The following HK1 variants were observed in gnomAD, a reference collection of about 807,000 sequenced individuals.
HK1 encodes the protein hexokinase 1.
Under a neutral mutation model 91.6 loss-of-function variants are expected in HK1, and 28 were observed. The observed-to-expected ratio is 0.31, with a 90% CI of 0.23 to 0.42. HK1 has a LOEUF of 0.42. Among genes scored for constraint, HK1 ranks in the 10% least tolerant of loss-of-function variants. HK1 has a pLI of 1.00. For missense variants in HK1, 770 were observed against 1,219.8 expected (o/e 0.63, Z 5.49); for synonymous variants, 430 against 468.1 (o/e 0.92, Z 1.05).
At chr10:69,399,872 T>C (rs1455822711) in intron 17 of HK1, among the ~76,000 whole-genome samples, 1 of 152,158 alleles carries the variant, frequency 6.6e-6, no homozygotes, top group Non-Finnish European at 1.5e-5. Flanking sequence ...ACCCTACTTA[T>C]AAGCAACCTC....
At position 69,326,921 on chromosome 10, in the gene HK1, T is replaced by A. The variant is rs969668012; in HGVS notation, c.63+7911T>A. Among the ~76,000 whole-genome samples the A allele has an allele frequency of 1.3e-5, 2 of 152,276 alleles. 1 individual carries two copies. On this transcript the variant is annotated intron_variant, in intron 1 of 17. Coordinates refer to ENST00000359426, the MANE Select transcript of HK1 (RefSeq NM_000188.3). ...TATATGGTATTGCTTTATAGATATATGGTTTTGATCTTTTGTAAATGGTGC... is the reference window on the plus strand; with the variant it reads ...TATATGGTATTGCTTTATAGATATAAGGTTTTGATCTTTTGTAAATGGTGC...
intron 4 of HK1, among the ~76,000 whole-genome samples, 166 bp downstream of exon 4, chr10:69,365,068 T>G (rs927044054): frequency 6.6e-6 from 1 of 152,174 alleles, no homozygotes; most frequent in African/African-American, 2.4e-5. Flanking sequence ...ATATAGTGTT[T>G]ACTTTTTCAC....
intron 2 of HK1, among the ~76,000 whole-genome samples, chr10:69,349,886 AAG>A (rs1848760251): frequency 6.6e-6 from 1 of 152,206 alleles, no homozygotes; most frequent in African/African-American, 2.4e-5. Context: ...TTAAGAAAAA[AAG>A]AGAATTCTAG....
At chr10:69,368,499 C>A in intron 4 of HK1, 37 bp from the exon 5 acceptor site, 1 of 1,573,770 alleles carries the variant, frequency 6.4e-7, no homozygotes, top group Non-Finnish European at 8.7e-7. Context: ...TGGAGGCCTC[C>A]CAGCCCTCAT....
At chr10:69,359,760 A>G in intron 2 of HK1, 137 bp from the exon 3 acceptor site, 1 of 839,754 alleles carries the variant, frequency 1.2e-6, no homozygotes, top group Non-Finnish European at 2.0e-6. Context: ...AGTTTGCATG[A>G]TTGCTGCTTT....
At chr10:69,338,712 A>T (rs761027650) in intron 1 of HK1, 1 of 1,244,110 alleles carries the variant, frequency 8.0e-7, no homozygotes, top group Non-Finnish European at 1.0e-6. Context: ...TGTGTGTGTA[A>T]GTACTTGTGT....
At chr10:69,375,395 T>C (rs1338645382) in intron 7 of HK1, among the ~76,000 whole-genome samples, 1 of 152,198 alleles carries the variant, frequency 6.6e-6, no homozygotes, top group Non-Finnish European at 1.5e-5. Flanking sequence ...GTGCTGAGAT[T>C]CCTGTTCAGG....
intron 3 of HK1, among the ~76,000 whole-genome samples, chr10:69,363,104 G>A (rs1162014728): frequency 6.6e-6 from 1 of 152,186 alleles, no homozygotes; most frequent in Non-Finnish European, 1.5e-5. Flanking sequence ...GTTCGGGCTG[G>A]GGCCACTTCA....
chr10:69,386,726 C>T (rs1839653440), intron 13 of HK1: 3 of 340,706 alleles, frequency 8.8e-6, no homozygotes, highest in Non-Finnish European at 1.7e-5. Flanking sequence ...TTGCAGTGAG[C>T]TGAGATCACG....
rs1008917100 is a variant in HK1, at chr10:69,395,535, G to A, written c.2375+430G>A. The stretch of plus-strand genomic sequence containing the variant: ...GGAGGTTGCAGTGAGCTGAGATCGC[G>A]CCACTGCACTCCAGCCTGGCCTGGC... On this transcript the variant is annotated intron_variant, in intron 16 of 17. Coordinates refer to ENST00000359426, the MANE Select transcript of HK1 (RefSeq NM_000188.3). 4.6e-5 allele frequency among the ~76,000 whole-genome samples: 7 copies of A among 152,168 alleles called. No individual in the cohort carries two copies. In the East Asian group the frequency reaches 5.8e-4, roughly 13 times the overall value.
chr10:69,376,545 A>G (rs1839118059), intron 7 of HK1, among the ~76,000 whole-genome samples: 1 of 152,200 alleles, frequency 6.6e-6, no homozygotes, highest in Non-Finnish European at 1.5e-5. Context: ...GTACATACAT[A>G]AAGATAAAAA....
At chr10:69,276,687 A>G (rs1048347430) in intron 1 of HK1, among the ~76,000 whole-genome samples, 1 of 151,336 alleles carries the variant, frequency 6.6e-6, no homozygotes, top group Non-Finnish European at 1.5e-5. Flanking sequence ...TAATTTTAAG[A>G]TATTAATTTT....
At chr10:69,309,893 A>C (rs538904688) in intron 5 of HK1, among the ~76,000 whole-genome samples, 1 of 147,180 alleles carries the variant, frequency 6.8e-6, no homozygotes, top group Non-Finnish European at 1.5e-5. Flanking sequence ...CTAAAAATAC[A>C]AAAAAAATTA....
intron 2 of HK1, among the ~76,000 whole-genome samples, chr10:69,287,030 C>T (rs1010489528): frequency 2.0e-5 from 3 of 151,976 alleles, no homozygotes; most frequent in Non-Finnish European, 2.9e-5. Context: ...AGTCTGTTTT[C>T]GCACTGCTAT....
At chr10:69,373,413 C>T (rs1850118587) in intron 7 of HK1, among the ~76,000 whole-genome samples, 1 of 152,144 alleles carries the variant, frequency 6.6e-6, no homozygotes, top group Non-Finnish European at 1.5e-5. Flanking sequence ...TGTTCAGGCC[C>T]CACCTTGCCC....
At chr10:69,319,306 G>C in intron 1 of HK1, 1 of 532,152 alleles carries the variant, frequency 1.9e-6, no homozygotes, top group Admixed American at 3.3e-5. Flanking sequence ...GGGCTGTGCG[G>C]GGAGGTGGCC....
chr10:69,282,486 T>C (rs1413366597), intron 1 of HK1: 1 of 152,212 alleles, frequency 6.6e-6, no homozygotes, highest in African/African-American at 2.4e-5. Context: ...TTGGTGACTC[T>C]TGATTTTACG....
At chr10:69,314,864 C>A (rs1846556947), upstream of HK1, among the ~76,000 whole-genome samples, 1 of 152,178 alleles carries the variant, frequency 6.6e-6, no homozygotes, top group Non-Finnish European at 1.5e-5. Flanking sequence ...GACAGGGTTT[C>A]ACTATGTTGG....
intron 2 of HK1, among the ~76,000 whole-genome samples, chr10:69,349,394 G>A (rs1334928155): frequency 2.6e-5 from 4 of 152,126 alleles, no homozygotes; most frequent in Non-Finnish European, 5.9e-5. Flanking sequence ...GTTATGGTGC[G>A]TCATCGTCAT....
Sources: allele counts gnomAD v4.1 joint callset (sites outside exome capture counted in the v4.1 genomes callset), GRCh38; gene constraint gnomAD v4.1.1; transcripts MANE v1.5; gene names NCBI Gene and HGNC (gene_info 2026-07-23, HGNC 2026-07-21).